SLC60A1: variants seen among roughly 807,000 people sequenced by gnomAD.
The protein encoded by SLC60A1 is major facilitator superfamily domain containing 4.
At chr1:205,569,740 A>G in the SLC60A1 span, among the ~76,000 whole-genome samples, 1 of 151,894 alleles carries the variant, frequency 6.6e-6, no homozygotes, top group African/African-American at 2.4e-5. Flanking sequence ...AGGTGGAAGG[A>G]CCGTGGGAGG....
the SLC60A1 span, chr1:205,586,268 G>A: frequency 3.8e-6 from 6 of 1,592,584 alleles, no homozygotes; most frequent in Non-Finnish European, 4.3e-6. Context: ...GCCTCCTCCT[G>A]GCCCTACCCC....
the SLC60A1 span, among the ~76,000 whole-genome samples, chr1:205,571,430 T>C: frequency 2.6e-5 from 4 of 152,204 alleles, no homozygotes; most frequent in Non-Finnish European, 5.9e-5. Flanking sequence ...ATTCCTGAGC[T>C]CTGACAACTT....
chr1:205,599,245 C>T, the SLC60A1 span: 1 of 1,613,858 alleles, frequency 6.2e-7, no homozygotes, highest in East Asian at 2.2e-5. Context: ...CCCTGGACTC[C>T]CATCAGGTAA....
the SLC60A1 span, chr1:205,597,881 C>A: frequency 6.2e-7 from 1 of 1,605,932 alleles, no homozygotes; most frequent in South Asian, 1.1e-5. Context: ...GAGAGGGGAG[C>A]ATTTGGGGAG....
the SLC60A1 span, chr1:205,580,545 G>A: frequency 7.4e-6 from 10 of 1,348,072 alleles, no homozygotes; most frequent in African/African-American, 1.4e-5. This position sits in a 1 kb window ranked among gnomAD's most constrained non-coding sequence, Gnocchi z 5.0. Flanking sequence ...TGGGGCAGAG[G>A]GTGGGGCTGG....
the SLC60A1 span, chr1:205,597,945 T>C: frequency 1.5e-6 from 2 of 1,310,306 alleles, no homozygotes; most frequent in Non-Finnish European, 1.1e-6. Flanking sequence ...ACTCAAACTG[T>C]CCCTTTCCTG....
At chr1:205,592,090 G>T in the SLC60A1 span, 368 of 1,606,880 alleles carry the variant, frequency 2.3e-4, no homozygotes, top group Non-Finnish European at 2.9e-4. Context: ...CCTCACCACC[G>T]ATGCTCAGCT....
the SLC60A1 span, among the ~76,000 whole-genome samples, chr1:205,570,427 C>CGGCCG: frequency 0.014 from 2,148 of 152,206 alleles, 52 homozygotes; most frequent in African/African-American, 0.048. Context: ...CTGGAGGGGC[C>CGGCCG]GTTCTGGGCT....
chr1:205,571,512 G>C, the SLC60A1 span, among the ~76,000 whole-genome samples: 1 of 152,142 alleles, frequency 6.6e-6, no homozygotes, highest in African/African-American at 2.4e-5. Context: ...TCCTATCAGT[G>C]GTTGAGGTTT....
chr1:205,584,332 C>T, the SLC60A1 span, among the ~76,000 whole-genome samples: 25,862 of 150,626 alleles, frequency 0.17, 2,285 homozygotes, highest in Admixed American at 0.22. Context: ...AGCGATTCTC[C>T]TGTCTCAGCC....
the SLC60A1 span, chr1:205,600,514 A>G: frequency 6.3e-7 from 1 of 1,577,466 alleles, no homozygotes; most frequent in South Asian, 1.1e-5. Context: ...CACCAGCACG[A>G]CCATACTGTT....
chr1:205,593,612 A>G, the SLC60A1 span, among the ~76,000 whole-genome samples: 15 of 152,106 alleles, frequency 9.9e-5, no homozygotes, highest in African/African-American at 3.6e-4. Flanking sequence ...TTAGCACATA[A>G]CATCACCATC....
chr1:205,599,206 A>G, the SLC60A1 span: 1 of 1,614,008 alleles, frequency 6.2e-7, no homozygotes. Context: ...TACCTTCTAT[A>G]TCTTGCTCCT....
the SLC60A1 span, among the ~76,000 whole-genome samples, chr1:205,577,934 G>A: frequency 3.9e-5 from 6 of 152,200 alleles, no homozygotes; most frequent in African/African-American, 1.2e-4. This position sits in a 1 kb window ranked among gnomAD's most constrained non-coding sequence, Gnocchi z 5.2. Flanking sequence ...AGTGACAAAC[G>A]TTAGCAGTTG....
At chr1:205,584,975 T>C in the SLC60A1 span, 1 of 1,613,814 alleles carries the variant, frequency 6.2e-7, no homozygotes, top group Non-Finnish European at 8.5e-7. Flanking sequence ...GTACTGTTCA[T>C]GACGGATGGG....
chr1:205,590,487 A>G, the SLC60A1 span, among the ~76,000 whole-genome samples: 1 of 152,164 alleles, frequency 6.6e-6, no homozygotes, highest in African/African-American at 2.4e-5. Context: ...CAGGGAAGGA[A>G]GTCTGTCTGG....
At chr1:205,579,619 T>C in the SLC60A1 span, 6 of 1,017,058 alleles carry the variant, frequency 5.9e-6, no homozygotes, top group Non-Finnish European at 7.5e-6. Flanking sequence ...GAGCAGCTTC[T>C]TCCTCAGCTC....
chr1:205,580,892 T>C, the SLC60A1 span: 29 of 1,613,864 alleles, frequency 1.8e-5, no homozygotes, highest in Non-Finnish European at 2.5e-5. This position sits in a 1 kb window ranked among gnomAD's most constrained non-coding sequence, Gnocchi z 5.0. Context: ...CCGAGTGTCC[T>C]ATGCCTTCTG....
At chr1:205,588,312 A>G in the SLC60A1 span, among the ~76,000 whole-genome samples, 4 of 151,984 alleles carry the variant, frequency 2.6e-5, no homozygotes, top group Non-Finnish European at 5.9e-5. Flanking sequence ...TCTACTAAAA[A>G]TACAAAAATT....
Sources: gnomAD v4.1 joint callset for allele counts (sites outside exome capture counted in the v4.1 genomes callset) on GRCh38, gnomAD v4.1.1 for gene constraint, Gnocchi (gnomAD v3.1) non-coding constraint, MANE v1.5 for transcripts, NCBI Gene and HGNC (gene_info 2026-07-23, HGNC 2026-07-21) for gene names.